EEPD1: variants seen among roughly 807,000 people sequenced by gnomAD.
EEPD1 encodes endonuclease/exonuclease/phosphatase family domain containing 1, also known as endonuclease/exonuclease/phosphatase family domain-containing protein 1.
Under a neutral mutation model 46.3 loss-of-function variants are expected in EEPD1, and 17 were observed. The ratio of observed to expected loss-of-function variants is 0.37; its 90% CI spans 0.25 to 0.55. The LOEUF (loss-of-function observed/expected upper bound fraction) is 0.55, where lower values mean the gene tolerates loss of function less well. Among genes scored for constraint, EEPD1 ranks in the 20% least tolerant of loss-of-function variants. The pLI is 0.83. For missense variants in EEPD1, 673 were observed against 745.6 expected (o/e 0.90, Z 1.13); for synonymous variants, 313 against 315.6 (o/e 0.99, Z 0.09).
intron 3 of EEPD1, among the ~76,000 whole-genome samples, chr7:36,276,049 CT>C (rs1206189522): frequency 2.6e-5 from 4 of 152,178 alleles, no homozygotes; most frequent in Admixed American, 2.0e-4. Flanking sequence ...AAATATCTGA[CT>C]TTCAGAGGCA....
rs375949207 is a variant in EEPD1, at chr7:36,284,679, G to C, written c.1042-7G>C. 17 of 1,610,126 alleles carry C rather than the reference G, an allele frequency of 1.1e-5. No homozygotes were observed. The South Asian group carries it at 1.8e-4, about 17-fold the overall frequency. ...GCACCAAGACTCTGTCTCCCTCTCCGCTGCAGGGAGCTGGGTATGCAGGAT... is the reference window on the plus strand; with the variant it reads ...GCACCAAGACTCTGTCTCCCTCTCCCCTGCAGGGAGCTGGGTATGCAGGAT... On this transcript the variant is annotated splice_region_variant and splice_polypyrimidine_tract_variant and intron_variant, in intron 4 of 7. Transcript: ENST00000242108.
chr7:36,196,873 A>G (rs1785606091), intron 2 of EEPD1, among the ~76,000 whole-genome samples: 2 of 125,316 alleles, frequency 1.6e-5, no homozygotes, highest in South Asian at 5.4e-4. Flanking sequence ...CTGGCCGCCC[A>G]TCGTCTGGGA....
intron 2 of EEPD1, among the ~76,000 whole-genome samples, chr7:36,171,556 G>C (rs1307366737): frequency 6.6e-6 from 1 of 152,128 alleles, no homozygotes; most frequent in Non-Finnish European, 1.5e-5. Context: ...ACATCTCCAT[G>C]GATTTGTATG....
chr7:36,241,977 A>G (rs910845468), intron 3 of EEPD1, among the ~76,000 whole-genome samples: 13 of 152,178 alleles, frequency 8.5e-5, no homozygotes, highest in Non-Finnish European at 1.2e-4. Context: ...TTCAAAACCT[A>G]TCAGAGAAAT....
intron 2 of EEPD1, among the ~76,000 whole-genome samples, chr7:36,230,582 T>C (rs1403758658): frequency 6.6e-6 from 1 of 152,196 alleles, no homozygotes; most frequent in Non-Finnish European, 1.5e-5. Flanking sequence ...GGAATGCTCC[T>C]GTCCTCCCCT....
intron 2 of EEPD1, among the ~76,000 whole-genome samples, chr7:36,221,701 G>A (rs1355954446): frequency 1.3e-5 from 2 of 152,146 alleles, no homozygotes; most frequent in African/African-American, 4.8e-5. Flanking sequence ...TCTAAAAAAG[G>A]TAAGAATCAT....
In EEPD1 at chr7:36,153,396, C is replaced by G. The variant is rs898308273; in HGVS notation, c.-471C>G. 5.9e-5 allele frequency: 9 copies of G among 152,266 alleles called. No individual in the cohort carries two copies. The highest frequency in any genetic ancestry group is 5.2e-4 in the Admixed American group (8 of 15,284). 9.4% of individuals were successfully genotyped at this position (152,266 alleles called of 1,614,324 possible). A position where few individuals can be genotyped will look rare whatever the true frequency, so the allele number is the denominator to read the frequency against. On this transcript the variant is annotated 5_prime_UTR_variant, in exon 1 of 8. Coordinates refer to ENST00000242108, the MANE Select transcript of EEPD1 (RefSeq NM_030636.3). ...ACTGCGGCGGCGCCGCCGCAAGCCC[C>G]GGTGCAGCCTCGGCGGCGGGTTTCG...
chr7:36,285,952 T>C (rs196590), intron 5 of EEPD1, among the ~76,000 whole-genome samples: 39,348 of 152,072 alleles, frequency 0.26, 5,254 homozygotes, highest in Middle Eastern at 0.33. Context: ...TGTCTGCACA[T>C]GTACACCTGG....
At chr7:36,278,803 A>T (rs1787218409) in intron 3 of EEPD1, among the ~76,000 whole-genome samples, 1 of 152,166 alleles carries the variant, frequency 6.6e-6, no homozygotes, top group Non-Finnish European at 1.5e-5. Context: ...CCATCTGAGG[A>T]TGGCTTCCAG....
At chr7:36,268,005 G>A (rs757561407) in intron 3 of EEPD1, among the ~76,000 whole-genome samples, 1 of 152,186 alleles carries the variant, frequency 6.6e-6, no homozygotes, top group Non-Finnish European at 1.5e-5. Flanking sequence ...CTGGAACCTT[G>A]GTCTTGGACC....
intron 2 of EEPD1, among the ~76,000 whole-genome samples, chr7:36,221,913 C>T (rs1222352239): frequency 6.6e-6 from 1 of 152,098 alleles, no homozygotes; most frequent in Non-Finnish European, 1.5e-5. Flanking sequence ...CCTCTGTGTC[C>T]CCCCCACAGC....
Position 36,242,137 on chromosome 7 carries a change from C to T in EEPD1, c.930+3101C>T, listed in dbSNP as rs771272047. On this transcript the variant is annotated intron_variant, in intron 3 of 7. Coordinates refer to ENST00000242108, the MANE Select transcript of EEPD1 (RefSeq NM_030636.3). Reference sequence around the variant, plus strand: ...ACTTACTTTCTCGTGCCTTAGTTTCCCAGTTTATAAAATTGAAACTATTCT... The same window carrying T: ...ACTTACTTTCTCGTGCCTTAGTTTCTCAGTTTATAAAATTGAAACTATTCT... 2.5e-3 allele frequency among the ~76,000 whole-genome samples: 388 copies of T among 152,268 alleles called. 6 individuals are homozygous for T. The East Asian group carries it at 0.035, about 14-fold the overall frequency.
chr7:36,240,110 A>C (rs1786532883), intron 3 of EEPD1, among the ~76,000 whole-genome samples: 1 of 152,102 alleles, frequency 6.6e-6, no homozygotes, highest in Admixed American at 6.5e-5. Flanking sequence ...CTCTTCAGAA[A>C]ATCAAGAAAT....
chr7:36,213,025 C>T (rs562963863), intron 2 of EEPD1, among the ~76,000 whole-genome samples: 42 of 152,082 alleles, frequency 2.8e-4, no homozygotes, highest in Middle Eastern at 3.2e-3. Flanking sequence ...TGGTGGCATA[C>T]GCCTGTAATC....
rs367555599 is a variant in EEPD1, at chr7:36,281,275, A to G, written c.1041+50A>G. ...CTTTCCCTTCATTTAATTTATACAT[A>G]CTTTTCCCCTAATCAAGGGCATTTA... On this transcript the variant is annotated intron_variant, in intron 4 of 7. Coordinates refer to ENST00000242108, the MANE Select transcript of EEPD1 (RefSeq NM_030636.3). The G allele has an allele frequency of 4.0e-6, 6 of 1,517,014 alleles. No homozygotes were observed. In the African/African-American group the frequency reaches 8.2e-5, roughly 21 times the overall value. 94.0% of individuals were successfully genotyped at this position (1,517,014 alleles called of 1,614,324 possible).
rs765504069 is a variant in EEPD1, at chr7:36,238,992, C to T, written c.886C>T (p.Leu296Phe). Residue 296 changes from leucine to phenylalanine, a missense_variant, in exon 3 of 8, where the codon CTT becomes TTT. Transcript: ENST00000242108. ...CMTLLENSIKLLAVQELLDRE... is the reference protein window; with the variant it reads ...CMTLLENSIKFLAVQELLDRE... ...TGATTTTTTTTCTTACAGCATCAAG[C>T]TTCTAGCTGTGCAAGAACTGCTTGA... 7 of 1,610,476 alleles carry T rather than the reference C, an allele frequency of 4.3e-6. No individual in the cohort carries two copies. The South Asian group carries it at 7.8e-5, about 18-fold the overall frequency.
At chr7:36,200,197 A>G (rs557436299) in intron 2 of EEPD1, among the ~76,000 whole-genome samples, 8 of 151,502 alleles carry the variant, frequency 5.3e-5, no homozygotes, top group Admixed American at 4.6e-4. Flanking sequence ...TGTTCTCATC[A>G]TTTATCTTCC....
chr7:36,167,449 G>A (rs1213411332), intron 2 of EEPD1, among the ~76,000 whole-genome samples: 2 of 152,088 alleles, frequency 1.3e-5, no homozygotes, highest in African/African-American at 2.4e-5. Flanking sequence ...CTTTCTTGTC[G>A]GGCCATAGTA....
Position 36,154,289 on chromosome 7 carries a change from G to C in EEPD1, c.-36G>C. The C allele has an allele frequency of 6.3e-7, 1 of 1,581,342 alleles. No individual in the cohort carries two copies. Among genetic ancestry groups the C allele is most frequent in the Non-Finnish European group, 8.6e-7 (1 of 1,168,950 alleles). On this transcript the variant is annotated 5_prime_UTR_variant, in exon 2 of 8. Transcript: ENST00000242108. This position sits in a 1 kb window ranked among gnomAD's most constrained non-coding sequence, Gnocchi z 4.2. Reference sequence around the variant, plus strand: ...CCTAGCCAGAGAGCTCTTCTGCAGTGGTGCGGCCTTCCCGGGAGCCTGATC... The same window carrying C: ...CCTAGCCAGAGAGCTCTTCTGCAGTCGTGCGGCCTTCCCGGGAGCCTGATC...
Sources: gnomAD v4.1 joint callset for allele counts (sites outside exome capture counted in the v4.1 genomes callset) on GRCh38, gnomAD v4.1.1 for gene constraint, Gnocchi (gnomAD v3.1) non-coding constraint, MANE v1.5 for transcripts, NCBI Gene and HGNC (gene_info 2026-07-23, HGNC 2026-07-21) for gene names.